The following ZNF354B variants were observed in gnomAD, a reference collection of about 807,000 sequenced individuals.
ZNF354B encodes the protein zinc finger protein 354B.
ZNF354B carries 10 observed loss-of-function variants against 12.9 expected under a neutral mutation model. The observed-to-expected ratio is 0.77, with a 90% confidence interval of 0.48 to 1.31. ZNF354B has a LOEUF of 1.31. Ranked by LOEUF, ZNF354B falls within the 40% of genes most tolerant of loss-of-function variation. ZNF354B has a pLI of 0.00. For missense variants in ZNF354B, 614 were observed against 711.7 expected, an observed-to-expected ratio of 0.86 and a Z score of 1.56; for synonymous variants, 260 against 243.7, an observed-to-expected ratio of 1.07 and a Z score of -0.62.
At chr5:178,861,416 C>G (rs1310355786) in intron 2 of ZNF354B, among the ~76,000 whole-genome samples, 1 of 152,228 alleles carries the variant, frequency 6.6e-6, no homozygotes, top group Non-Finnish European at 1.5e-5. Flanking sequence ...CGTTCCTGTC[C>G]TTCGCAGGAA....
In ZNF354B at chr5:178,882,965, A is replaced by G; in HGVS notation, c.513A>G (p.Ser171=). ...VEFGQNFYLK[S]VFIKQQRFAK... is the part of the protein sequence containing the mutation. ...TTGGCCAAAACTTCTACCTGAAATC[A>G]GTCTTCATTAAGCAACAGAGATTTG... The change falls in exon 5 of 5, where the codon TCA becomes TCG. Residue 171 remains serine (S), a synonymous_variant. Transcript: ENST00000322434. The G allele has an allele frequency of 6.2e-7, 1 of 1,606,422 alleles. No homozygotes were observed. The highest frequency in any genetic ancestry group is 8.5e-7 in the Non-Finnish European group (1 of 1,178,200).
At chr5:178,869,342 A>AG (rs1205379687) in intron 4 of ZNF354B, among the ~76,000 whole-genome samples, 5 of 152,158 alleles carry the variant, frequency 3.3e-5, no homozygotes, top group African/African-American at 1.2e-4. Flanking sequence ...TTTTTTAAAA[A>AG]GGGGAACCAC....
intron 2 of ZNF354B, among the ~76,000 whole-genome samples, chr5:178,864,259 C>CT (rs1280297128): frequency 6.6e-6 from 1 of 152,102 alleles, no homozygotes. Flanking sequence ...CGTACCATGC[C>CT]TTTTTTATGT....
At chr5:178,878,872 T>C (rs1224072440) in intron 4 of ZNF354B, among the ~76,000 whole-genome samples, 1 of 151,790 alleles carries the variant, frequency 6.6e-6, no homozygotes, top group African/African-American at 2.4e-5. Flanking sequence ...TGGCTAATTT[T>C]GTGTATTTAG....
chr5:178,866,651 T>G (rs530732608), intron 3 of ZNF354B, among the ~76,000 whole-genome samples: 4 of 152,312 alleles, frequency 2.6e-5, no homozygotes, highest in East Asian at 3.9e-4. Flanking sequence ...CTGCTTTGGT[T>G]GTTCTGTGGT....
At chr5:178,860,639 C>G (rs374799493) in intron 1 of ZNF354B, 28,499 of 154,720 alleles carry the variant, frequency 0.18, 2,566 homozygotes, top group African/African-American at 0.24. Context: ...CGCCTCGCAG[C>G]GGCGTGAACG....
chr5:178,878,430 G>T (rs1462899755), intron 4 of ZNF354B, among the ~76,000 whole-genome samples: 1 of 151,222 alleles, frequency 6.6e-6, no homozygotes, highest in Non-Finnish European at 1.5e-5. Context: ...CTTATCATTT[G>T]GGGAAGAGAT....
chr5:178,876,992 G>T (rs1490311128), intron 4 of ZNF354B, among the ~76,000 whole-genome samples: 1 of 147,786 alleles, frequency 6.8e-6, no homozygotes, highest in East Asian at 2.0e-4. Flanking sequence ...TGTAAGATTT[G>T]CTGGGTTTTG....
rs56013359 is a variant in ZNF354B, at chr5:178,880,831, A to ATTTTTT, written c.257-1855_257-1850dup. ...TTTCAGTAGTTGTCAACTCATGGTC[A>ATTTTTT]TTTTTTTTTTTTTTTTTTTTTTTTT... On this transcript the variant is annotated intron_variant, in intron 4 of 4. Transcript: ENST00000322434. 3.4e-3 allele frequency among the ~76,000 whole-genome samples: 257 copies of ATTTTTT among 76,182 alleles called. 12 individuals are homozygous for ATTTTTT. Among genetic ancestry groups the ATTTTTT allele is most frequent in the Non-Finnish European group, 5.2e-3 (226 of 43,508 alleles). The allele number at this position is 76,182 out of a possible 152,430, so 50.0% of individuals were successfully genotyped here. A position where few individuals can be genotyped will look rare whatever the true frequency, so the allele number is the denominator to read the frequency against.
chr5:178,872,255 A>AT lies in ZNF354B; in HGVS notation c.256+5195dup, dbSNP rs113126400. On this transcript the variant is annotated intron_variant, in intron 4 of 4. Transcript: ENST00000322434. Reference sequence around the variant, plus strand: ...AATAAAATGTGTACAACGTTATGGGATTTTTTTTTTTGCCCCACTTAACAT... The same window carrying AT: ...AATAAAATGTGTACAACGTTATGGGATTTTTTTTTTTTGCCCCACTTAACAT... Among the ~76,000 whole-genome samples the AT allele has an allele frequency of 6.9e-4, 102 of 148,436 alleles. 1 individual carries two copies. Among genetic ancestry groups the AT allele is most frequent in the South Asian group, 2.1e-3 (10 of 4,688 alleles).
At chr5:178,873,436 T>C (rs1022839301) in intron 4 of ZNF354B, among the ~76,000 whole-genome samples, 1 of 152,242 alleles carries the variant, frequency 6.6e-6, no homozygotes, top group Non-Finnish European at 1.5e-5. Context: ...TTTACATTTA[T>C]ATTCATGACA....
intron 4 of ZNF354B, among the ~76,000 whole-genome samples, chr5:178,882,269 A>G (rs1469872397): frequency 1.3e-5 from 2 of 152,198 alleles, no homozygotes; most frequent in African/African-American, 4.8e-5. Context: ...TTGGAACTCA[A>G]AGTTAGGAAA....
intron 4 of ZNF354B, among the ~76,000 whole-genome samples, chr5:178,878,347 T>TGCTCCAGCCTGGGCAA (rs1757667565): frequency 6.6e-6 from 1 of 151,148 alleles, no homozygotes; most frequent in Non-Finnish European, 1.5e-5. Flanking sequence ...TATGCCACTG[T>TGCTCCAGCCTGGGCAA]GCTCCAGCCT....
intron 2 of ZNF354B, among the ~76,000 whole-genome samples, chr5:178,863,486 G>C (rs1257178555): frequency 6.6e-6 from 1 of 152,126 alleles, no homozygotes; most frequent in Non-Finnish European, 1.5e-5. Flanking sequence ...GGTGATGCTG[G>C]TATAAACAGA....
intron 2 of ZNF354B, among the ~76,000 whole-genome samples, chr5:178,863,122 A>G (rs1180601728): frequency 6.6e-6 from 1 of 152,196 alleles, no homozygotes; most frequent in Non-Finnish European, 1.5e-5. Context: ...ATTCTTTGAG[A>G]ACAAAGATCA....
intron 4 of ZNF354B, among the ~76,000 whole-genome samples, chr5:178,877,370 A>G (rs1757653809): frequency 6.6e-6 from 1 of 151,980 alleles, no homozygotes; most frequent in Admixed American, 6.6e-5. Flanking sequence ...GGATTTCCCC[A>G]TTGGCCAGGC....
At chr5:178,881,266 C>A (rs913525757) in intron 4 of ZNF354B, among the ~76,000 whole-genome samples, 2 of 151,602 alleles carry the variant, frequency 1.3e-5, no homozygotes, top group African/African-American at 4.9e-5. Context: ...TTGTGAGGGG[C>A]AGGTGCTATG....
intron 3 of ZNF354B, among the ~76,000 whole-genome samples, 174 bp from the exon 4 acceptor site, chr5:178,866,802 T>A (rs1301446855): frequency 6.6e-6 from 1 of 152,172 alleles, no homozygotes; most frequent in African/African-American, 2.4e-5. Context: ...TTTCTCATTT[T>A]AAAAAAAGTT....
chr5:178,877,586 A>G (rs1471566967), intron 4 of ZNF354B, among the ~76,000 whole-genome samples: 1 of 152,206 alleles, frequency 6.6e-6, no homozygotes, highest in African/African-American at 2.4e-5. Context: ...GGGATTGCAA[A>G]AATGGCAGCC....
Sources: gnomAD v4.1 joint callset for allele counts (sites outside exome capture counted in the v4.1 genomes callset) on GRCh38, gnomAD v4.1.1 for gene constraint, MANE v1.5 for transcripts, NCBI Gene and HGNC (gene_info 2026-07-23, HGNC 2026-07-21) for gene names.